Variants in GREM2 observed in about 807,000 individuals in gnomAD.
GREM2 encodes the protein gremlin 2, DAN family BMP antagonist.
In GREM2, 11 loss-of-function variants were observed where a neutral mutation model predicts 14.2. The ratio of observed to expected loss-of-function variants is 0.78; its 90% CI spans 0.49 to 1.28. The LOEUF is 1.28. GREM2 is among the 50% of genes most tolerant of loss of function. GREM2 has a pLI of 0.00. For synonymous variants in GREM2, 98 were observed against 97.6 expected (o/e 1.00, Z -0.02); for missense variants, 210 against 218.5 (o/e 0.96, Z 0.24).
At chr1:240,591,223 C>T (rs562444237) in intron 1 of GREM2, among the ~76,000 whole-genome samples, 2 of 152,286 alleles carry the variant, frequency 1.3e-5, no homozygotes, top group South Asian at 4.1e-4. Context: ...TGTTTACTTT[C>T]CACTCTCTAC....
At chr1:240,579,982 A>G (rs368771391) in intron 1 of GREM2, among the ~76,000 whole-genome samples, 1 of 152,342 alleles carries the variant, frequency 6.6e-6, no homozygotes, top group South Asian at 2.1e-4. Flanking sequence ...GGTGTCAGAC[A>G]TACATATGCG....
intron 1 of GREM2, among the ~76,000 whole-genome samples, chr1:240,558,706 T>A (rs1317104515): frequency 6.6e-6 from 1 of 152,124 alleles, no homozygotes; most frequent in African/African-American, 2.4e-5. Context: ...GAATCCATTT[T>A]GCCCTTAAAA....
intron 1 of GREM2, among the ~76,000 whole-genome samples, chr1:240,515,690 C>T (rs1007178087): frequency 6.6e-6 from 1 of 152,072 alleles, no homozygotes; most frequent in African/African-American, 2.4e-5. Context: ...TGAGGACTAA[C>T]AATTTGGTTT....
intron 1 of GREM2, among the ~76,000 whole-genome samples, chr1:240,552,146 A>G (rs1352806667): frequency 6.6e-6 from 1 of 152,210 alleles, no homozygotes; most frequent in African/African-American, 2.4e-5. Flanking sequence ...TGGTGAGATG[A>G]TACCAAATTC....
intron 1 of GREM2, among the ~76,000 whole-genome samples, chr1:240,547,894 GC>G (rs908077956): frequency 3.9e-4 from 60 of 152,134 alleles, no homozygotes; most frequent in Non-Finnish European, 7.2e-4. Context: ...GTAAGTAAAT[GC>G]ATGAGAGAAT....
intron 1 of GREM2, among the ~76,000 whole-genome samples, chr1:240,597,948 A>C (rs1206966798): frequency 6.6e-6 from 1 of 152,202 alleles, no homozygotes; most frequent in Non-Finnish European, 1.5e-5. Context: ...TGAGAGTGTC[A>C]TAAACTACAC....
chr1:240,510,463 C>G (rs898086132), intron 1 of GREM2, among the ~76,000 whole-genome samples: 1 of 140,560 alleles, frequency 7.1e-6, no homozygotes, highest in African/African-American at 2.7e-5. Context: ...TTGCCAGGGG[C>G]TGGGGGTGGA....
At chr1:240,526,989 AC>A (rs1678239132) in intron 1 of GREM2, among the ~76,000 whole-genome samples, 1 of 152,194 alleles carries the variant, frequency 6.6e-6, no homozygotes, top group Non-Finnish European at 1.5e-5. Context: ...AGCAATACTT[AC>A]CAACAGCAAT....
intron 1 of GREM2, among the ~76,000 whole-genome samples, chr1:240,578,562 A>G (rs897788057): frequency 3.3e-5 from 5 of 151,766 alleles, no homozygotes; most frequent in Non-Finnish European, 7.4e-5. Flanking sequence ...AGGTGGATGG[A>G]TCACTTGAGG....
At chr1:240,502,216 C>T (rs902442476) in intron 1 of GREM2, among the ~76,000 whole-genome samples, 3 of 152,126 alleles carry the variant, frequency 2.0e-5, no homozygotes, top group African/African-American at 7.2e-5. Context: ...ATATCCTGTC[C>T]ATGCAACCCA....
Position 240,492,221 on chromosome 1 carries a change from A to G in GREM2, c.*748T>C. 1 of 453,792 alleles carries G rather than the reference A, an allele frequency of 2.2e-6. No homozygotes were observed. The highest frequency in any genetic ancestry group is 4.4e-6 in the Non-Finnish European group (1 of 225,272). 28.1% of individuals were successfully genotyped at this position (453,792 alleles called of 1,614,324 possible). ...ATATTCTAATTGCAGCAATAATAGCATGCACACCAGAGTTCATCTTTAGTC... is the reference window on the plus strand; with the variant it reads ...ATATTCTAATTGCAGCAATAATAGCGTGCACACCAGAGTTCATCTTTAGTC... On this transcript the variant is annotated 3_prime_UTR_variant, in exon 2 of 2. Coordinates refer to ENST00000318160, the MANE Select transcript of GREM2 (RefSeq NM_022469.4).
rs113844365 is a variant in GREM2 at position 240,515,453 on chromosome 1, C to T, written c.-1-21977G>A. Among the ~76,000 whole-genome samples the T allele has an allele frequency of 5.4e-3, 820 of 152,200 alleles. 7 individuals carry two copies. The highest frequency in any genetic ancestry group is 0.019 in the African/African-American group (769 of 41,520). On this transcript the variant is annotated intron_variant, in intron 1 of 1. Transcript: ENST00000318160. ...CCCCTTTAATGAGATCAAAGTACAT[C>T]AGAATTAGATAATATCTCAGAAGTG...
At chr1:240,587,897 T>A (rs371365865) in intron 1 of GREM2, among the ~76,000 whole-genome samples, 3 of 152,304 alleles carry the variant, frequency 2.0e-5, no homozygotes, top group Admixed American at 1.3e-4. Flanking sequence ...AGATGTTTTC[T>A]GAACTCTGCC....
intron 1 of GREM2, among the ~76,000 whole-genome samples, chr1:240,547,514 AATATATAT>A (rs71170756): frequency 4.9e-5 from 5 of 102,664 alleles, no homozygotes; most frequent in East Asian, 5.3e-4. Context: ...AAAAAAAAAA[AATATATAT>A]ATATATATAT....
At chr1:240,532,457 A>T (rs1678382614) in intron 1 of GREM2, among the ~76,000 whole-genome samples, 1 of 152,146 alleles carries the variant, frequency 6.6e-6, no homozygotes. Context: ...ACAATTTCCC[A>T]AAGTTAACCA....
At chr1:240,496,529 C>T (rs1260663376) in intron 1 of GREM2, among the ~76,000 whole-genome samples, 1 of 152,234 alleles carries the variant, frequency 6.6e-6, no homozygotes, top group Non-Finnish European at 1.5e-5. Flanking sequence ...ACCGTCTCCT[C>T]CTTCCCTGCT....
intron 1 of GREM2, among the ~76,000 whole-genome samples, chr1:240,603,070 C>T (rs1474996130): frequency 2.6e-5 from 4 of 152,004 alleles, no homozygotes; most frequent in South Asian, 2.1e-4. Flanking sequence ...TGCGACAGAG[C>T]GAGACTCGTC....
intron 1 of GREM2, among the ~76,000 whole-genome samples, chr1:240,555,617 G>C (rs1462770084): frequency 1.3e-5 from 2 of 152,204 alleles, no homozygotes; most frequent in Non-Finnish European, 2.9e-5. Flanking sequence ...GCATTAACTA[G>C]TACTGAGTGT....
chr1:240,525,926 G>A (rs949675634), intron 1 of GREM2, among the ~76,000 whole-genome samples: 2 of 152,150 alleles, frequency 1.3e-5, no homozygotes, highest in Admixed American at 6.5e-5. Context: ...TAGGAGTTGT[G>A]TACATTGATT....
Sources: gnomAD v4.1 joint callset for allele counts (sites outside exome capture counted in the v4.1 genomes callset) on GRCh38, gnomAD v4.1.1 for gene constraint, MANE v1.5 for transcripts, NCBI Gene and HGNC (gene_info 2026-07-23, HGNC 2026-07-21) for gene names.